ZNF219: variants seen among roughly 807,000 people sequenced by gnomAD.
The protein encoded by ZNF219 is zinc finger protein 219.
ZNF219 carries 17 observed loss-of-function variants against 54.4 expected under a neutral mutation model. The observed-to-expected ratio is 0.31, with a 90% confidence interval of 0.21 to 0.47. The LOEUF is 0.47. Ranked by LOEUF, ZNF219 falls within the 20% of genes least tolerant of loss-of-function variation. The pLI is 1.00. For synonymous variants in ZNF219, 518 were observed against 476.4 expected, an observed-to-expected ratio of 1.09 and a Z score of -1.14; for missense variants, 1,014 against 1,062.3, an observed-to-expected ratio of 0.95 and a Z score of 0.63.
chr14:21,100,289 C>G (rs1889548881), upstream of ZNF219, among the ~76,000 whole-genome samples: 1 of 151,994 alleles, frequency 6.6e-6, no homozygotes, highest in South Asian at 2.1e-4. Flanking sequence ...TTATTTGTGC[C>G]CAGAAGGTGT....
chr14:21,102,234 C>A, upstream of ZNF219: 2 of 1,418,942 alleles, frequency 1.4e-6, no homozygotes, highest in Non-Finnish European at 1.9e-6. Flanking sequence ...GCTGTCACCA[C>A]TGACTGGCCT....
chr14:21,092,751 C>T lies in ZNF219; in HGVS notation c.546G>A (p.Leu182=), dbSNP rs1415502811. ...ACTTCCAGGGCCTATGCAGGATGTG[C>T]AGGTGGCGTTCGCGCTCCGCCGAGG... ...FRTSAERERH[L]HILHRPWKCG... Residue 182 remains leucine (L), a synonymous_variant, in exon 3 of 5, where the codon CTG becomes CTA. Coordinates refer to ENST00000360947, the MANE Select transcript of ZNF219 (RefSeq NM_016423.3). The T allele has an allele frequency of 6.3e-7, 1 of 1,582,188 alleles. No homozygotes were observed. The highest frequency in any genetic ancestry group is 1.1e-5 in the South Asian group (1 of 87,594).
At position 21,092,765 on chromosome 14, in the gene ZNF219, G is replaced by C; in HGVS notation, c.532C>G (p.Arg178Gly). 1 of 1,579,954 alleles carries C rather than the reference G, an allele frequency of 6.3e-7. No individual in the cohort carries two copies. Among genetic ancestry groups the C allele is most frequent in the Non-Finnish European group, 8.6e-7 (1 of 1,162,746 alleles). ...CKGKFRTSAE[R>G]ERHLHILHRP... ...TGCAGGATGTGCAGGTGGCGTTCGC[G>C]CTCCGCCGAGGTGCGAAACTTGCCT... Residue 178 changes from arginine to glycine, a missense_variant, in exon 3 of 5, where the codon CGC (arginine) becomes GGC (glycine). Transcript: ENST00000360947.
At chr14:21,094,392 G>A (rs910074485) in intron 1 of ZNF219, 2 of 455,850 alleles carry the variant, frequency 4.4e-6, no homozygotes, top group African/African-American at 4.0e-5. Context: ...TGCAAATACC[G>A]TATAGGATTC....
chr14:21,097,879 A>T (rs1269634875), intron 1 of ZNF219, among the ~76,000 whole-genome samples: 1 of 72,420 alleles, frequency 1.4e-5, no homozygotes, highest in Non-Finnish European at 2.8e-5. Flanking sequence ...CTCCCCCACC[A>T]GCCCTACCTG....
intron 2 of ZNF219, 98 bp from the exon 3 acceptor site, chr14:21,093,388 G>C: frequency 6.7e-7 from 1 of 1,492,588 alleles, no homozygotes; most frequent in Non-Finnish European, 8.9e-7. Context: ...ACGAGGGAAG[G>C]TGGGCTGGGG....
At position 21,098,643 on chromosome 14, in the gene ZNF219, G is replaced by A; in HGVS notation, c.-415C>T. The A allele has an allele frequency of 9.8e-7, 1 of 1,016,516 alleles. No homozygotes were observed. The highest frequency in any genetic ancestry group is 1.2e-6 in the Non-Finnish European group (1 of 845,936). The allele number at this position is 1,016,516 out of a possible 1,614,324, so 63.0% of individuals were successfully genotyped here. On this transcript the variant is annotated 5_prime_UTR_variant, in exon 1 of 5. Transcript: ENST00000360947. ...GGCGGCCGCCAGGGGCGGGGTGCGG[G>A]CGGTTTGGAGACGGGGGGCGCTGTC...
At position 21,093,689 on chromosome 14, in the gene ZNF219, A is replaced by C. The variant is rs182870174; in HGVS notation, c.-83-15T>G. Reference sequence around the variant, plus strand: ...GTGCTGTGGAGCTAAAGCAAGAGACAGATTTGGAGGAAAAGATGAGCCCTA... The same window carrying C: ...GTGCTGTGGAGCTAAAGCAAGAGACCGATTTGGAGGAAAAGATGAGCCCTA... On this transcript the variant is annotated splice_polypyrimidine_tract_variant and intron_variant, in intron 1 of 4. Coordinates refer to ENST00000360947, the MANE Select transcript of ZNF219 (RefSeq NM_016423.3). 7.4e-6 allele frequency: 12 copies of C among 1,612,338 alleles called. No homozygotes were observed. In the East Asian group the frequency reaches 2.5e-4, roughly 33 times the overall value.
rs760781546 is a variant in ZNF219 at position 21,090,910 on chromosome 14, T to C, written c.1795A>G (p.Ser599Gly). Residue 599 changes from serine (S) to glycine (G), a missense_variant, in exon 5 of 5, where the codon AGC (serine) becomes GGC (glycine). Ser to Gly is a moderately conservative substitution (Grantham distance 56). Transcript: ENST00000360947. This position sits in a 1 kb window ranked among gnomAD's most constrained non-coding sequence, Gnocchi z 4.4. ...EGASSPRPPSSGAGPGSRRKP... is the reference protein window; with the variant it reads ...EGASSPRPPSGGAGPGSRRKP... ...CGACGGGACCCCGGCCCAGCACCGCTAGAAGGAGGCCGGGGACTTGAGGCG... is the reference window on the plus strand; with the variant it reads ...CGACGGGACCCCGGCCCAGCACCGCCAGAAGGAGGCCGGGGACTTGAGGCG... The C allele has an allele frequency of 5.8e-6, 9 of 1,550,148 alleles. No homozygotes were observed. Among genetic ancestry groups the C allele is most frequent in the Non-Finnish European group, 2.6e-6 (3 of 1,151,478 alleles).
intron 1 of ZNF219, among the ~76,000 whole-genome samples, chr14:21,095,247 AGAC>A (rs1394390587): frequency 2.0e-5 from 3 of 152,244 alleles, no homozygotes; most frequent in African/African-American, 7.2e-5. Context: ...AAGGGTCACT[AGAC>A]GACCTCCACT....
intron 1 of ZNF219, chr14:21,104,468 G>A (rs1889833906): frequency 1.3e-5 from 2 of 152,282 alleles, no homozygotes; most frequent in South Asian, 4.1e-4. Flanking sequence ...CTGGCCGCTA[G>A]AAACTAGAAA....
upstream of ZNF219, chr14:21,102,753 A>C (rs1020559628): frequency 7.7e-6 from 12 of 1,550,948 alleles, no homozygotes; most frequent in Non-Finnish European, 8.7e-6. Flanking sequence ...CAGGAGCCAG[A>C]GTCTGCACTA....
At position 21,093,563 on chromosome 14, in the gene ZNF219, G is replaced by A. The variant is rs531715992; in HGVS notation, c.6+23C>T. 140 of 1,610,130 alleles carry A rather than the reference G, an allele frequency of 8.7e-5. 3 individuals are homozygous for A. In the South Asian group the frequency reaches 1.4e-3, roughly 16 times the overall value. On this transcript the variant is annotated intron_variant, in intron 2 of 4. Transcript: ENST00000360947. ...AGTATACAGTTGTAGGTACTTGTAG[G>A]TTGAAGCCAGAGCTTCACTCACCTC...
rs1167326439 is a variant in ZNF219 at position 21,098,340 on chromosome 14, G to T, written c.-112C>A. On this transcript the variant is annotated 5_prime_UTR_variant, in exon 1 of 5. Transcript: ENST00000360947. Reference sequence around the variant, plus strand: ...CCCCGGGCGGGCGGCGGCGGAGCGGGCGGCGGCGGCGGCGGCGGCGGCGGG... The same window carrying T: ...CCCCGGGCGGGCGGCGGCGGAGCGGTCGGCGGCGGCGGCGGCGGCGGCGGG... 1 of 209,734 alleles carries T rather than the reference G, an allele frequency of 4.8e-6. No individual in the cohort carries two copies. The highest frequency in any genetic ancestry group is 2.4e-5 in the African/African-American group (1 of 41,008). The allele number at this position is 209,734 out of a possible 1,614,324, so 13.0% of individuals were successfully genotyped here. A position where few individuals can be genotyped will look rare whatever the true frequency, so the allele number is the denominator to read the frequency against.
At chr14:21,093,475 G>A in intron 2 of ZNF219, 111 bp downstream of exon 2, 1 of 1,464,198 alleles carries the variant, frequency 6.8e-7, no homozygotes, top group African/African-American at 1.4e-5. Context: ...CGAGATGTCA[G>A]GGCCAAGGAG....
intron 2 of ZNF219, 93 bp downstream of exon 2, chr14:21,093,493 C>T (rs1594600121): frequency 2.0e-6 from 3 of 1,510,032 alleles, no homozygotes; most frequent in East Asian, 2.3e-5. Flanking sequence ...GAGTTAACTT[C>T]TAATAATGGG....
chr14:21,102,619 C>G (rs1341056199), upstream of ZNF219: 5 of 1,551,304 alleles, frequency 3.2e-6, no homozygotes, highest in Admixed American at 9.8e-5. Flanking sequence ...ATTCTCAGCC[C>G]TGTCTACCTG....
upstream of ZNF219, chr14:21,101,582 G>A: frequency 1.2e-6 from 1 of 821,960 alleles, no homozygotes; most frequent in Non-Finnish European, 1.9e-6. Flanking sequence ...CTGAATGGGA[G>A]GAGGGTAGAG....
intron 4 of ZNF219, 111 bp from the exon 5 acceptor site, chr14:21,091,251 T>G (rs1888845924): frequency 1.3e-6 from 2 of 1,508,266 alleles, no homozygotes; most frequent in East Asian, 4.6e-5. Context: ...GGGCACTGCG[T>G]CTCCCACCCA....
Sources: gnomAD v4.1 joint callset for allele counts (sites outside exome capture counted in the v4.1 genomes callset) on GRCh38, gnomAD v4.1.1 for gene constraint, Gnocchi (gnomAD v3.1) non-coding constraint, MANE v1.5 for transcripts, NCBI Gene and HGNC (gene_info 2026-07-23, HGNC 2026-07-21) for gene names.